PCDHA11: variants seen among roughly 807,000 people sequenced by gnomAD.
The protein encoded by PCDHA11 is protocadherin alpha-11.
In PCDHA11, 61 loss-of-function variants were observed where a neutral mutation model predicts 70.3. That is an observed-to-expected ratio of 0.87 (90% confidence interval 0.71 to 1.07). PCDHA11 has a LOEUF of 1.07. Among genes scored for constraint, PCDHA11 ranks in the 50% least tolerant of loss-of-function variants. PCDHA11 has a pLI of 0.00. For missense variants in PCDHA11, 1,324 were observed against 1,237.5 expected, an observed-to-expected ratio of 1.07 and a Z score of -1.05; for synonymous variants, 633 against 555.1, an observed-to-expected ratio of 1.14 and a Z score of -1.97.
At chr5:140,903,714 A>G (rs1159490924) in intron 1 of PCDHA11, among the ~76,000 whole-genome samples, 3 of 152,324 alleles carry the variant, frequency 2.0e-5, no homozygotes, top group African/African-American at 2.4e-5. Context: ...AAAATATACA[A>G]TTCTCCCTAT....
intron 1 of PCDHA11, among the ~76,000 whole-genome samples, chr5:140,949,466 G>A (rs2094383684): frequency 6.6e-6 from 1 of 151,662 alleles, no homozygotes; most frequent in Non-Finnish European, 1.5e-5. Flanking sequence ...TTGAAGCCCT[G>A]TTATTAGGCA....
chr5:140,926,763 C>T, intron 1 of PCDHA11: 1 of 1,327,892 alleles, frequency 7.5e-7, no homozygotes, highest in African/African-American at 1.5e-5. Flanking sequence ...GCTGAGTATC[C>T]AGCCCGCAGC....
Position 140,870,587 on chromosome 5 carries a change from A to T in PCDHA11, c.1484A>T (p.Glu495Val), listed in dbSNP as rs1185262788. 2 of 1,613,660 alleles carry T rather than the reference A, an allele frequency of 1.2e-6. No homozygotes were observed. The highest frequency in any genetic ancestry group is 2.2e-5 in the East Asian group (1 of 44,874). The change falls in exon 1 of 4, where the codon GAG (glutamate) becomes GTG (valine). Residue 495 changes from glutamate to valine, a missense_variant. Physicochemically the swap from Glu to Val is moderately radical, Grantham distance 121 (BLOSUM62 -2). Transcript: ENST00000398640. ...GCGCTGGTGTCCTACTCGCTGGTGG[A>T]GCGGCGGTTGGGCGACCGCGCGCTG... ...ENALVSYSLVERRLGDRALSS... is the reference protein window; with the variant it reads ...ENALVSYSLVVRRLGDRALSS...
chr5:140,888,533 T>C (rs2061866119), intron 1 of PCDHA11, among the ~76,000 whole-genome samples: 1 of 152,228 alleles, frequency 6.6e-6, no homozygotes, highest in South Asian at 2.1e-4. Flanking sequence ...TGAAGTTAAG[T>C]TGCTCAGTAC....
chr5:140,893,689 A>G (rs999117899), intron 1 of PCDHA11, among the ~76,000 whole-genome samples: 2 of 152,192 alleles, frequency 1.3e-5, no homozygotes, highest in Non-Finnish European at 2.9e-5. Context: ...ATATCATCTC[A>G]TTCTATCCTA....
chr5:140,883,175 A>G lies in PCDHA11; in HGVS notation c.2391+11681A>G, dbSNP rs1554177014. ...CATAAATCCGAACAATGGAGAAATTAGGACAAAAGGCAAACTAGATTTCGA... is the reference window on the plus strand; with the variant it reads ...CATAAATCCGAACAATGGAGAAATTGGGACAAAAGGCAAACTAGATTTCGA... On this transcript the variant is annotated intron_variant, in intron 1 of 3. Coordinates refer to ENST00000398640, the MANE Select transcript of PCDHA11 (RefSeq NM_018902.5). 3 of 1,614,060 alleles carry G rather than the reference A, an allele frequency of 1.9e-6. No individual in the cohort carries two copies. Among genetic ancestry groups the G allele is most frequent in the East Asian group, 4.5e-5 (2 of 44,892 alleles).
chr5:141,000,924 G>C (rs375816680), intron 3 of PCDHA11, among the ~76,000 whole-genome samples: 97 of 152,046 alleles, frequency 6.4e-4, no homozygotes, highest in African/African-American at 2.2e-3. Context: ...AAAAAATCCT[G>C]TGTGATTTAG....
At chr5:140,949,171 C>T (rs1554218845) in intron 1 of PCDHA11, among the ~76,000 whole-genome samples, 1 of 151,632 alleles carries the variant, frequency 6.6e-6, no homozygotes, top group Non-Finnish European at 1.5e-5. Flanking sequence ...CTCTTTTGGT[C>T]AGAGAACATA....
chr5:140,945,387 T>C (rs1249675973), intron 1 of PCDHA11, among the ~76,000 whole-genome samples: 1 of 152,102 alleles, frequency 6.6e-6, no homozygotes, highest in Non-Finnish European at 1.5e-5. Flanking sequence ...CAAAGCAATA[T>C]ACAAATTCAA....
chr5:140,871,535 G>T (rs577559822), intron 1 of PCDHA11, 41 bp downstream of exon 1: 2 of 1,514,054 alleles, frequency 1.3e-6, no homozygotes, highest in Admixed American at 4.8e-5. Flanking sequence ...AAGTGTATGT[G>T]AAATTATTTA....
At chr5:140,888,147 A>G (rs1182114974) in intron 1 of PCDHA11, among the ~76,000 whole-genome samples, 1 of 152,064 alleles carries the variant, frequency 6.6e-6, no homozygotes, top group African/African-American at 2.4e-5. Flanking sequence ...GCTGTTTTGC[A>G]TGACTGGTAA....
intron 1 of PCDHA11, among the ~76,000 whole-genome samples, chr5:140,938,877 ACACACACACACACAGATGCG>A (rs1350432569): frequency 6.6e-6 from 1 of 150,854 alleles, no homozygotes; most frequent in Non-Finnish European, 1.5e-5. Flanking sequence ...TTAAGAAGCA[ACACACACACACACAGATGCG>A]CACACACACA....
At chr5:140,995,698 G>T (rs963042409) in intron 3 of PCDHA11, among the ~76,000 whole-genome samples, 1 of 152,104 alleles carries the variant, frequency 6.6e-6, no homozygotes, top group African/African-American at 2.4e-5. Context: ...TTAAATAAAG[G>T]GCTGGGCTTG....
At position 140,876,825 on chromosome 5, in the gene PCDHA11, T is replaced by C. The variant is rs200732511; in HGVS notation, c.2391+5331T>C. ...TGGAGGTGGCCGACGTGAACGACAA[T>C]GCGCCTGCGTTCGCGCAGCCCGAGT... On this transcript the variant is annotated intron_variant, in intron 1 of 3. Transcript: ENST00000398640. The C allele has an allele frequency of 2.4e-4, 380 of 1,614,056 alleles. 4 individuals carry two copies. The East Asian group carries it at 3.4e-3, about 15-fold the overall frequency.
At chr5:140,945,393 T>G (rs2153669728) in intron 1 of PCDHA11, among the ~76,000 whole-genome samples, 1 of 152,208 alleles carries the variant, frequency 6.6e-6, no homozygotes, top group East Asian at 1.9e-4. Flanking sequence ...AATATACAAA[T>G]TCAATACAAT....
intron 1 of PCDHA11, among the ~76,000 whole-genome samples, chr5:140,921,678 A>C (rs2080326339): frequency 6.6e-6 from 1 of 152,222 alleles, no homozygotes; most frequent in South Asian, 2.1e-4. Context: ...AGTTATCATC[A>C]AACACTGGCC....
chr5:140,938,599 C>T (rs1554212246), intron 1 of PCDHA11, among the ~76,000 whole-genome samples: 1 of 152,048 alleles, frequency 6.6e-6, no homozygotes, highest in African/African-American at 2.4e-5. Flanking sequence ...ATAAACCAAT[C>T]TTGCATTCTT....
At chr5:140,899,884 T>C (rs1467670856) in intron 1 of PCDHA11, among the ~76,000 whole-genome samples, 17 of 152,152 alleles carry the variant, frequency 1.1e-4, no homozygotes, top group African/African-American at 3.9e-4. Flanking sequence ...CAGAACTCAG[T>C]GCAGCCTTGA....
rs782441014 is a variant in PCDHA11 at position 140,870,020 on chromosome 5, C to T, written c.917C>T (p.Thr306Ile). Residue 306 changes from threonine (T) to isoleucine (I), a missense_variant, in exon 1 of 4, where the codon ACT (threonine) becomes ATT (isoleucine). By Grantham distance (89) the Thr-to-Ile change is moderately conservative (BLOSUM62 -1). Transcript: ENST00000398640. ...QNNGEVRVNG[T>I]LDYEENKFYK... ...AATGGAGAAGTGAGGGTCAATGGAACTTTAGATTATGAAGAAAACAAGTTT... is the reference window on the plus strand; with the variant it reads ...AATGGAGAAGTGAGGGTCAATGGAATTTTAGATTATGAAGAAAACAAGTTT... The T allele has an allele frequency of 1.9e-6, 3 of 1,613,394 alleles. No individual in the cohort carries two copies. The highest frequency in any genetic ancestry group is 2.7e-5 in the African/African-American group (2 of 74,862).
Sources: allele counts gnomAD v4.1 joint callset (sites outside exome capture counted in the v4.1 genomes callset), GRCh38; gene constraint gnomAD v4.1.1; transcripts MANE v1.5; gene names NCBI Gene and HGNC (gene_info 2026-07-23, HGNC 2026-07-21).